The following ARRB1 variants were observed in gnomAD, a reference collection of about 807,000 sequenced individuals.
The protein encoded by ARRB1 is arrestin beta 1.
Under a neutral mutation model 56.8 loss-of-function variants are expected in ARRB1, and 21 were observed. That is an observed-to-expected ratio of 0.37 (90% confidence interval 0.26 to 0.53). ARRB1 has a LOEUF of 0.53. Among genes scored for constraint, ARRB1 ranks in the 20% least tolerant of loss-of-function variants. The probability of loss-of-function intolerance (pLI) is 0.88; values close to 1 mark genes in which losing one functional copy is unlikely to be tolerated. For synonymous variants in ARRB1, 210 were observed against 218.6 expected (o/e 0.96, Z 0.35); for missense variants, 424 against 553.7 (o/e 0.77, Z 2.35).
Position 75,278,624 on chromosome 11 carries a change from G to A in ARRB1, c.603C>T (p.Ala201=), listed in dbSNP as rs765356122. 4 of 1,614,054 alleles carry A rather than the reference G, an allele frequency of 2.5e-6. No homozygotes were observed. The highest frequency in any genetic ancestry group is 3.3e-5 in the Admixed American group (2 of 60,002). The change falls in exon 8 of 16, where the codon GCC becomes GCT. Residue 201 remains alanine (A), a synonymous_variant. Coordinates refer to ENST00000420843, the MANE Select transcript of ARRB1 (RefSeq NM_004041.5). Reference sequence around the variant, plus strand: ...AGCCTCCTACCTCCTTATCCAGAGAGGCTTCTAGGTGCAAGGGCTTGTCCG... The same window carrying A: ...AGCCTCCTACCTCCTTATCCAGAGAAGCTTCTAGGTGCAAGGGCTTGTCCG... ...LMSDKPLHLE[A]SLDKEIYYHG...
At chr11:75,282,177 T>C in intron 5 of ARRB1, 156 bp from the exon 6 acceptor site, 1 of 666,076 alleles carries the variant, frequency 1.5e-6, no homozygotes, top group East Asian at 2.8e-5. Flanking sequence ...ATGCCCCATC[T>C]AAAACTCTTT....
intron 13 of ARRB1, 24 bp from the exon 14 acceptor site, chr11:75,268,983 T>C: frequency 6.2e-7 from 1 of 1,602,508 alleles, no homozygotes. Context: ...CCAGACCCAG[T>C]GAGCCTTGAG....
At chr11:75,320,716 G>A (rs950086778) in intron 1 of ARRB1, among the ~76,000 whole-genome samples, 1 of 152,166 alleles carries the variant, frequency 6.6e-6, no homozygotes, top group Non-Finnish European at 1.5e-5. Flanking sequence ...CTCCAGCACC[G>A]CACAAACTCA....
rs767848376 is a variant in ARRB1 at position 75,267,610 on chromosome 11, C to T, written c.1145+42G>A. 30 of 1,386,976 alleles carry T rather than the reference C, an allele frequency of 2.2e-5. No homozygotes were observed. In the Admixed American group the frequency reaches 4.3e-4, roughly 20 times the overall value. 85.9% of individuals were successfully genotyped at this position (1,386,976 alleles called of 1,614,324 possible). A position where few individuals can be genotyped will look rare whatever the true frequency, so the allele number is the denominator to read the frequency against. The stretch of plus-strand genomic sequence containing the variant: ...AATGACCCCCTCCACCCCGCCCACC[C>T]GCGGCCCACCCCCGGATGTCTGCAG... On this transcript the variant is annotated intron_variant, in intron 15 of 15. Coordinates refer to ENST00000420843, the MANE Select transcript of ARRB1 (RefSeq NM_004041.5).
intron 13 of ARRB1, among the ~76,000 whole-genome samples, chr11:75,270,358 G>A (rs576521636): frequency 2.6e-5 from 4 of 151,660 alleles, no homozygotes; most frequent in South Asian, 2.1e-4. Context: ...GGCTGGGCGC[G>A]GTGGCTCACG....
At chr11:75,287,110 TC>T (rs1255169850) in intron 3 of ARRB1, among the ~76,000 whole-genome samples, 1 of 152,186 alleles carries the variant, frequency 6.6e-6, no homozygotes, top group Non-Finnish European at 1.5e-5. Context: ...TCCCTGATTG[TC>T]ACCTCAGTCC....
chr11:75,306,623 G>A (rs1297053303), intron 1 of ARRB1: 5 of 1,289,000 alleles, frequency 3.9e-6, no homozygotes, highest in Middle Eastern at 2.1e-4. Context: ...CGCCAAAGCA[G>A]TGGACTGTGA....
At position 75,306,263 on chromosome 11, in the gene ARRB1, C is replaced by T. The variant is rs540778452; in HGVS notation, c.21-16224G>A. On this transcript the variant is annotated intron_variant, in intron 1 of 15. Coordinates refer to ENST00000420843, the MANE Select transcript of ARRB1 (RefSeq NM_004041.5). ...CCCACCTGACCACTTCAGCTGCCACCGATGCCAGTAAGTCCAAACCTCGTC... is the reference window on the plus strand; with the variant it reads ...CCCACCTGACCACTTCAGCTGCCACTGATGCCAGTAAGTCCAAACCTCGTC... 1.7e-3 allele frequency among the ~76,000 whole-genome samples: 265 copies of T among 152,274 alleles called. 2 individuals carry two copies. Among genetic ancestry groups the T allele is most frequent in the East Asian group, 1.9e-4 (1 of 5,176 alleles).
chr11:75,316,935 G>A (rs1018843715), intron 1 of ARRB1, among the ~76,000 whole-genome samples: 27 of 151,958 alleles, frequency 1.8e-4, no homozygotes, highest in African/African-American at 5.8e-4. Context: ...GTGTAGTGGC[G>A]CGTACCTGTA....
intron 1 of ARRB1, among the ~76,000 whole-genome samples, chr11:75,292,480 A>C (rs552107219): frequency 4.9e-4 from 74 of 152,328 alleles, no homozygotes; most frequent in Admixed American, 2.0e-3. Context: ...GAGTGTGAAG[A>C]TGCCACAGTC....
Position 75,266,053 on chromosome 11 carries a change from T to G in ARRB1, c.*110A>C. On this transcript the variant is annotated 3_prime_UTR_variant, in exon 16 of 16. Coordinates refer to ENST00000420843, the MANE Select transcript of ARRB1 (RefSeq NM_004041.5). ...TCTGGAAGCCCACGGGGCCCCCTGGTAGAAACTGGAAGAACAAAGGGGAAA... is the reference window on the plus strand; with the variant it reads ...TCTGGAAGCCCACGGGGCCCCCTGGGAGAAACTGGAAGAACAAAGGGGAAA... The G allele has an allele frequency of 1.0e-6, 1 of 991,208 alleles. No individual in the cohort carries two copies. The highest frequency in any genetic ancestry group is 1.5e-6 in the Non-Finnish European group (1 of 648,822). The allele number at this position is 991,208 out of a possible 1,614,324, so 61.4% of individuals were successfully genotyped here.
In ARRB1 at chr11:75,344,816, A is replaced by G. The variant is rs111802915; in HGVS notation, c.20+6772T>C. ...AAGAAAGAGTTCAGTCCAGTTCGAC[A>G]AGCCTCCCTGCAAGGCTGAGGGAAG... On this transcript the variant is annotated intron_variant, in intron 1 of 15. Transcript: ENST00000420843. Among the ~76,000 whole-genome samples, 819 of 152,284 alleles carry G rather than the reference A, an allele frequency of 5.4e-3. 16 individuals are homozygous for G. Among genetic ancestry groups the G allele is most frequent in the African/African-American group, 0.019 (773 of 41,538 alleles).
At chr11:75,313,466 G>A (rs1302615211) in intron 1 of ARRB1, among the ~76,000 whole-genome samples, 1 of 152,258 alleles carries the variant, frequency 6.6e-6, no homozygotes, top group Non-Finnish European at 1.5e-5. Flanking sequence ...AGTCTGAGGA[G>A]GAGGCAGCGG....
At chr11:75,309,823 A>G (rs79912001) in intron 1 of ARRB1, among the ~76,000 whole-genome samples, 7,153 of 152,264 alleles carry the variant, frequency 0.047, 586 homozygotes, top group African/African-American at 0.16. Flanking sequence ...AGCAAAGCCA[A>G]CCAAGAGCAG....
chr11:75,326,086 C>A (rs1947429142), intron 1 of ARRB1, among the ~76,000 whole-genome samples: 1 of 152,280 alleles, frequency 6.6e-6, no homozygotes, highest in South Asian at 2.1e-4. Flanking sequence ...TTTTCTAATG[C>A]CTTGAAGGAG....
In ARRB1 at chr11:75,261,711, G is replaced by C. The variant is rs1945795116; in HGVS notation, c.*4452C>G. 1 of 152,270 alleles carries C rather than the reference G, an allele frequency of 6.6e-6. No individual in the cohort carries two copies. Among genetic ancestry groups the C allele is most frequent in the African/African-American group, 2.4e-5 (1 of 41,448 alleles). The allele number at this position is 152,270 out of a possible 1,614,324, so 9.4% of individuals were successfully genotyped here. On this transcript the variant is annotated 3_prime_UTR_variant, in exon 16 of 16. Transcript: ENST00000420843. ...CGCTGTGCAGTGACCCTGTGGGGAA[G>C]TGGTAGAGGTGGGGTCCTGCCACTT...
intron 13 of ARRB1, chr11:75,271,464 A>G: frequency 2.3e-6 from 1 of 443,124 alleles, no homozygotes; most frequent in Non-Finnish European, 4.0e-6. Context: ...CACTCCCTGT[A>G]TCAGTGTAAT....
chr11:75,351,540 C>A, intron 1 of ARRB1, 48 bp downstream of exon 1: 1 of 1,497,548 alleles, frequency 6.7e-7, no homozygotes, highest in East Asian at 2.8e-5. Flanking sequence ...GTGTCCTCGC[C>A]GAGGTCGCCC....
intron 1 of ARRB1, among the ~76,000 whole-genome samples, chr11:75,291,913 G>T (rs1238865562): frequency 6.6e-6 from 1 of 152,262 alleles, no homozygotes; most frequent in Admixed American, 6.5e-5. Flanking sequence ...AGTGAGGCCC[G>T]CCATGGCACA....
Sources: gnomAD v4.1 joint callset for allele counts (sites outside exome capture counted in the v4.1 genomes callset) on GRCh38, gnomAD v4.1.1 for gene constraint, MANE v1.5 for transcripts, NCBI Gene and HGNC (gene_info 2026-07-23, HGNC 2026-07-21) for gene names.